ADGRV1: variants seen among roughly 807,000 people sequenced by gnomAD.
The protein encoded by ADGRV1 is adhesion G protein-coupled receptor V1.
In ADGRV1, 359 loss-of-function variants were observed where a neutral mutation model predicts 596.2. The observed-to-expected ratio is 0.60, with a 90% CI of 0.55 to 0.66. ADGRV1 has a LOEUF of 0.66. Ranked by LOEUF, ADGRV1 falls within the 30% of genes least tolerant of loss-of-function variation. ADGRV1 has a pLI of 0.00. For synonymous variants in ADGRV1, 2,681 were observed against 2,679.2 expected (o/e 1.00, Z -0.02); for missense variants, 7,274 against 7,575.6 (o/e 0.96, Z 1.48).
At chr5:91,087,727 A>G (rs146832586) in intron 86 of ADGRV1, among the ~76,000 whole-genome samples, 1,704 of 152,332 alleles carry the variant, frequency 0.011, 31 homozygotes, top group African/African-American at 0.038. Context: ...TTTTCAACCA[A>G]TAAATCCTCA....
chr5:90,908,146 A>G (rs1240894273), intron 83 of ADGRV1, among the ~76,000 whole-genome samples: 1 of 152,196 alleles, frequency 6.6e-6, no homozygotes, highest in Admixed American at 6.5e-5. Flanking sequence ...CCACCGTTTC[A>G]GGCCGGAATT....
chr5:91,002,569 A>G (rs547077942), intron 85 of ADGRV1, among the ~76,000 whole-genome samples: 48 of 151,974 alleles, frequency 3.2e-4, no homozygotes, highest in African/African-American at 9.6e-4. Flanking sequence ...CTTGGATCCT[A>G]TTTAGACTTC....
At chr5:90,866,331 G>GTGTGTT (rs1053890355) in intron 83 of ADGRV1, among the ~76,000 whole-genome samples, 1 of 151,656 alleles carries the variant, frequency 6.6e-6, no homozygotes, top group Non-Finnish European at 1.5e-5. Context: ...GTGTGTGTGT[G>GTGTGTT]TGTGTGTGTG....
intron 78 of ADGRV1, 115 bp downstream of exon 78, chr5:90,841,100 AT>A: frequency 1.3e-6 from 1 of 745,036 alleles, no homozygotes; most frequent in Non-Finnish European, 2.0e-6. Context: ...ATTATGATAA[AT>A]TTAGATTTCT....
Position 90,887,451 on chromosome 5 carries a change from A to T in ADGRV1, c.17856+23594A>T, listed in dbSNP as rs139344708. 1.5e-3 allele frequency among the ~76,000 whole-genome samples: 226 copies of T among 152,132 alleles called. No homozygotes were observed. In the Middle Eastern group the frequency reaches 0.02, roughly 14 times the overall value. On this transcript the variant is annotated intron_variant, in intron 83 of 89. Coordinates refer to ENST00000405460, the MANE Select transcript of ADGRV1 (RefSeq NM_032119.4). The stretch of plus-strand genomic sequence containing the variant: ...AGTACTCAGCATGTTGTGGTTCTTG[A>T]CTTATTCATCTCTGTTTTCTCATGG...
At position 90,687,631 on chromosome 5, in the gene ADGRV1, A is replaced by C. The variant is rs545084708; in HGVS notation, c.6490+1636A>C. On this transcript the variant is annotated intron_variant, in intron 29 of 89. Coordinates refer to ENST00000405460, the MANE Select transcript of ADGRV1 (RefSeq NM_032119.4). Reference sequence around the variant, plus strand: ...ATTGTCCCTGTTTGCAGATGACATGATTGTATATCTAGAAAATCCCATTGT... The same window carrying C: ...ATTGTCCCTGTTTGCAGATGACATGCTTGTATATCTAGAAAATCCCATTGT... Among the ~76,000 whole-genome samples the C allele has an allele frequency of 3.1e-3, 471 of 152,290 alleles. 6 individuals are homozygous for C. The highest frequency in any genetic ancestry group is 0.011 in the African/African-American group (451 of 41,534).
intron 29 of ADGRV1, among the ~76,000 whole-genome samples, chr5:90,689,142 A>G (rs530808213): frequency 1.4e-4 from 21 of 152,136 alleles, no homozygotes; most frequent in East Asian, 3.9e-4. Flanking sequence ...TCATCTGGCC[A>G]TAATACTTGC....
At chr5:91,140,829 T>G (rs938504319) in intron 87 of ADGRV1, among the ~76,000 whole-genome samples, 1 of 152,236 alleles carries the variant, frequency 6.6e-6, no homozygotes, top group African/African-American at 2.4e-5. Flanking sequence ...CATGACTGAT[T>G]AGCGTTCCAT....
intron 1 of ADGRV1, among the ~76,000 whole-genome samples, chr5:90,607,518 A>G (rs778023980): frequency 2.6e-5 from 4 of 152,128 alleles, no homozygotes; most frequent in Admixed American, 1.3e-4. Flanking sequence ...TGACCATATG[A>G]TGATCGAATT....
At chr5:90,615,725 C>A (rs765784105) in intron 2 of ADGRV1, among the ~76,000 whole-genome samples, 8 of 151,734 alleles carry the variant, frequency 5.3e-5, no homozygotes, top group Non-Finnish European at 1.2e-4. Flanking sequence ...TGAACGAATC[C>A]AGTGCTATAA....
chr5:90,952,748 C>G (rs186777586), intron 83 of ADGRV1, among the ~76,000 whole-genome samples: 1 of 152,084 alleles, frequency 6.6e-6, no homozygotes, highest in Non-Finnish European at 1.5e-5. Flanking sequence ...CCATTAGATT[C>G]GGAAGTGAAC....
At position 90,765,241 on chromosome 5, in the gene ADGRV1, T is replaced by TG. The variant is rs536422632; in HGVS notation, c.12285+1775dup. Among the ~76,000 whole-genome samples the TG allele has an allele frequency of 9.9e-5, 15 of 152,280 alleles. No homozygotes were observed. The East Asian group carries it at 2.7e-3, about 27-fold the overall frequency. On this transcript the variant is annotated intron_variant, in intron 59 of 89. Transcript: ENST00000405460. Reference sequence around the variant, plus strand: ...CTAGAGAGCCATCTGCTCGAGGCACTGGGCACTGTGCACTGTGCTGTCACT... The same window carrying TG: ...CTAGAGAGCCATCTGCTCGAGGCACTGGGGCACTGTGCACTGTGCTGTCACT...
At chr5:90,918,374 T>A (rs545389263) in intron 83 of ADGRV1, among the ~76,000 whole-genome samples, 4 of 152,334 alleles carry the variant, frequency 2.6e-5, no homozygotes, top group Admixed American at 1.3e-4. Context: ...AGTGGCCAGA[T>A]CTGTTTTATT....
intron 86 of ADGRV1, among the ~76,000 whole-genome samples, chr5:91,075,537 A>G (rs1788777924): frequency 6.6e-6 from 1 of 152,160 alleles, no homozygotes; most frequent in African/African-American, 2.4e-5. Context: ...TTAATGAGGG[A>G]ACCCTCTCTT....
At chr5:90,658,628 G>T (rs1769769429) in intron 21 of ADGRV1, among the ~76,000 whole-genome samples, 1 of 151,090 alleles carries the variant, frequency 6.6e-6, no homozygotes, top group South Asian at 2.1e-4. Context: ...TATATTGAAG[G>T]CTTGTATGAA....
At chr5:90,565,967 GA>G (rs1755580285) in intron 1 of ADGRV1, among the ~76,000 whole-genome samples, 3 of 152,100 alleles carry the variant, frequency 2.0e-5, no homozygotes, top group Admixed American at 1.3e-4. Flanking sequence ...CTCCTTTGGA[GA>G]AATTTCTATT....
chr5:90,566,582 TATTA>T (rs1439816482), intron 1 of ADGRV1, among the ~76,000 whole-genome samples: 6 of 152,288 alleles, frequency 3.9e-5, no homozygotes, highest in Middle Eastern at 3.4e-3. Context: ...TTTATTGTTT[TATTA>T]ATTATGTTGT....
At chr5:90,887,657 G>A (rs1252460259) in intron 83 of ADGRV1, among the ~76,000 whole-genome samples, 1 of 152,140 alleles carries the variant, frequency 6.6e-6, no homozygotes, top group Non-Finnish European at 1.5e-5. Flanking sequence ...GCCAAGAAGT[G>A]TTTATATGGG....
In ADGRV1 at chr5:90,627,728, G is replaced by T; in HGVS notation, c.1190G>T (p.Ser397Ile). Reference sequence around the variant, plus strand: ...CCTTATGGAGTCCTTTCATTCAACAGTGTTTTGTTTGAAAGGACAGTTATA... The same window carrying T: ...CCTTATGGAGTCCTTTCATTCAACATTGTTTTGTTTGAAAGGACAGTTATA... ...DKPYGVLSFN[S>I]VLFERTVIID... The change falls in exon 7 of 90, where the codon AGT becomes ATT. Residue 397 changes from serine (S) to isoleucine (I), a missense_variant. This residue lies in a region of ADGRV1 where 1,715 missense variants were observed against 1,708.8 expected (regional missense o/e 1.00). Transcript: ENST00000405460. 18 of 1,592,862 alleles carry T rather than the reference G, an allele frequency of 1.1e-5. No individual in the cohort carries two copies. Among genetic ancestry groups the T allele is most frequent in the Non-Finnish European group, 1.5e-5 (18 of 1,169,500 alleles).
Sources: gnomAD v4.1 joint callset for allele counts (sites outside exome capture counted in the v4.1 genomes callset) on GRCh38, gnomAD v4.1.1 for gene constraint, gnomAD v4.1.1 regional missense constraint, MANE v1.5 for transcripts, NCBI Gene and HGNC (gene_info 2026-07-23, HGNC 2026-07-21) for gene names.